PCDHGA3: variants seen among roughly 807,000 people sequenced by gnomAD.
PCDHGA3 encodes the protein protocadherin gamma-A3.
A neutral mutation model predicts 58.5 loss-of-function variants in PCDHGA3; 40 were observed. That is an observed-to-expected ratio of 0.68 (90% CI 0.53 to 0.89). The LOEUF (loss-of-function observed/expected upper bound fraction) is 0.89, where lower values mean the gene tolerates loss of function less well. Ranked by LOEUF, PCDHGA3 falls within the 40% of genes least tolerant of loss-of-function variation. The pLI, the probability that PCDHGA3 is intolerant of heterozygous loss-of-function variation, is 0.00. For missense variants in PCDHGA3, 1,223 were observed against 1,195.9 expected, an observed-to-expected ratio of 1.02 and a Z score of -0.33; for synonymous variants, 530 against 525.7, an observed-to-expected ratio of 1.01 and a Z score of -0.11.
At position 141,491,422 on chromosome 5, in the gene PCDHGA3, G is replaced by T. The variant is rs1413549196; in HGVS notation, c.2425-3385G>T. 1 of 1,614,112 alleles carries T rather than the reference G, an allele frequency of 6.2e-7. No homozygotes were observed. The stretch of plus-strand genomic sequence containing the variant: ...AAACGCAGACGGGGACGGGGGTGGA[G>T]GGCAGTGCTGCAGGCGCCAGGACTC... On this transcript the variant is annotated intron_variant, in intron 1 of 3. Coordinates refer to ENST00000253812, the MANE Select transcript of PCDHGA3 (RefSeq NM_018916.4). The surrounding 1 kb of genome is among the most constrained non-coding windows in gnomAD (Gnocchi z 6.9).
intron 1 of PCDHGA3, chr5:141,350,661 G>A: frequency 1.2e-6 from 2 of 1,613,992 alleles, no homozygotes; most frequent in South Asian, 1.1e-5. Flanking sequence ...GTTGCAAAAG[G>A]CATTGACTTA....
chr5:141,451,233 T>A (rs1431967203), intron 1 of PCDHGA3, among the ~76,000 whole-genome samples: 1 of 152,216 alleles, frequency 6.6e-6, no homozygotes, highest in African/African-American at 2.4e-5. Flanking sequence ...GCATTTATTA[T>A]CTCATAAATT....
At chr5:141,405,326 T>TGC in intron 1 of PCDHGA3, 1 of 1,614,220 alleles carries the variant, frequency 6.2e-7, no homozygotes, top group Non-Finnish European at 8.5e-7. Flanking sequence ...TGAGCCTTTG[T>TGC]GCGTCTCTGT....
chr5:141,374,976 C>A, intron 1 of PCDHGA3: 1 of 1,614,016 alleles, frequency 6.2e-7, no homozygotes, highest in Non-Finnish European at 8.5e-7. Context: ...AATGTTTTGA[C>A]TGGAGAAATT....
chr5:141,384,958 T>C, intron 1 of PCDHGA3: 1 of 1,613,954 alleles, frequency 6.2e-7, no homozygotes, highest in Non-Finnish European at 8.5e-7. Flanking sequence ...TCCTTACAAC[T>C]ATGACCTCAC....
chr5:141,394,136 C>G, intron 1 of PCDHGA3: 1 of 1,613,956 alleles, frequency 6.2e-7, no homozygotes, highest in Non-Finnish European at 8.5e-7. Flanking sequence ...TCGCTCTGCA[C>G]GTGGCAGACA....
chr5:141,371,913 G>C, intron 1 of PCDHGA3: 1 of 1,613,394 alleles, frequency 6.2e-7, no homozygotes, highest in African/African-American at 1.3e-5. Context: ...CTACGTGTCC[G>C]TGAGCGCGCG....
At chr5:141,370,652 G>A in intron 1 of PCDHGA3, 1 of 1,613,890 alleles carries the variant, frequency 6.2e-7, no homozygotes, top group Non-Finnish European at 8.5e-7. Context: ...ACTTACTTGT[G>A]AGCGACCGTA....
chr5:141,376,463 A>C (rs1772718380), intron 1 of PCDHGA3: 1 of 1,614,212 alleles, frequency 6.2e-7, no homozygotes, highest in South Asian at 1.1e-5. Context: ...TCTTCTGATA[A>C]CTCAGGATTT....
At chr5:141,380,349 GT>G (rs1776403876) in intron 1 of PCDHGA3, among the ~76,000 whole-genome samples, 1 of 152,006 alleles carries the variant, frequency 6.6e-6, no homozygotes, top group South Asian at 2.1e-4. Flanking sequence ...CTGTTTTGTT[GT>G]TTGTTTTTTA....
At position 141,431,387 on chromosome 5, in the gene PCDHGA3, C is replaced by T; in HGVS notation, c.2425-63420C>T. The T allele has an allele frequency of 1.9e-6, 3 of 1,613,938 alleles. 1 individual carries two copies. The South Asian group carries it at 3.3e-5, about 18-fold the overall frequency. Reference sequence around the variant, plus strand: ...CCGCGAAGAAAAGGCTGCTCACCACCTGGTCCTTACGGCCTCCGACGGGGG... The same window carrying T: ...CCGCGAAGAAAAGGCTGCTCACCACTTGGTCCTTACGGCCTCCGACGGGGG... On this transcript the variant is annotated intron_variant, in intron 1 of 3. Coordinates refer to ENST00000253812, the MANE Select transcript of PCDHGA3 (RefSeq NM_018916.4). This position sits in a 1 kb window ranked among gnomAD's most constrained non-coding sequence, Gnocchi z 4.8.
At chr5:141,440,275 T>C (rs913705052) in intron 1 of PCDHGA3, 14 of 152,120 alleles carry the variant, frequency 9.2e-5, no homozygotes, top group African/African-American at 3.1e-4. Flanking sequence ...GAGACCAGCC[T>C]GACCAACATA....
intron 1 of PCDHGA3, chr5:141,418,421 G>A (rs776535087): frequency 2.5e-6 from 4 of 1,613,966 alleles, no homozygotes; most frequent in Non-Finnish European, 3.4e-6. Flanking sequence ...CAATCCTGAT[G>A]GTGGCAAATA....
In PCDHGA3 at chr5:141,432,038, C is replaced by T. The variant is rs202246871; in HGVS notation, c.2425-62769C>T. ...CAACATCACAGTGACCGCCACTGAC[C>T]GGGGAACCCCGCCCCTATCCACGGA... On this transcript the variant is annotated intron_variant, in intron 1 of 3. Coordinates refer to ENST00000253812, the MANE Select transcript of PCDHGA3 (RefSeq NM_018916.4). The surrounding 1 kb of genome is among the most constrained non-coding windows in gnomAD (Gnocchi z 6.0). 15 of 1,614,190 alleles carry T rather than the reference C, an allele frequency of 9.3e-6. No individual in the cohort carries two copies. The African/African-American group carries it at 1.5e-4, about 16-fold the overall frequency.
chr5:141,371,367 G>T, intron 1 of PCDHGA3: 1 of 1,613,892 alleles, frequency 6.2e-7, no homozygotes, highest in South Asian at 1.1e-5. Context: ...AAAGGATGGT[G>T]GACATCACAC....
chr5:141,351,886 G>A (rs377208230), intron 1 of PCDHGA3: 35 of 1,613,292 alleles, frequency 2.2e-5, no homozygotes, highest in Admixed American at 3.3e-5. Context: ...GCGCCAACGT[G>A]AGCCTGCGCG....
Position 141,487,665 on chromosome 5 carries a change from G to T in PCDHGA3, c.2425-7142G>T, listed in dbSNP as rs373971935. 8.7e-5 allele frequency: 141 copies of T among 1,612,724 alleles called. No individual in the cohort carries two copies. The highest frequency in any genetic ancestry group is 1.1e-4 in the Non-Finnish European group (135 of 1,179,392). On this transcript the variant is annotated intron_variant, in intron 1 of 3. Coordinates refer to ENST00000253812, the MANE Select transcript of PCDHGA3 (RefSeq NM_018916.4). The surrounding 1 kb of genome is among the most constrained non-coding windows in gnomAD (Gnocchi z 5.0). ...ATGCTTGAGGGTTATTCTGATCCAG[G>T]CATATGGCTAGGCCATGTCCTAGAG...
intron 1 of PCDHGA3, among the ~76,000 whole-genome samples, chr5:141,467,695 T>C (rs1189395935): frequency 6.6e-6 from 1 of 152,142 alleles, no homozygotes; most frequent in Non-Finnish European, 1.5e-5. Flanking sequence ...AGGGTCTGGC[T>C]CTGTTGCCCA....
intron 1 of PCDHGA3, chr5:141,350,526 G>T: frequency 6.2e-7 from 1 of 1,614,020 alleles, no homozygotes; most frequent in Non-Finnish European, 8.5e-7. Context: ...AGGATAGATC[G>T]AGAGAAGATT....
Sources: allele counts gnomAD v4.1 joint callset (sites outside exome capture counted in the v4.1 genomes callset), GRCh38; gene constraint gnomAD v4.1.1; non-coding constraint Gnocchi (gnomAD v3.1); transcripts MANE v1.5; gene names NCBI Gene and HGNC (gene_info 2026-07-23, HGNC 2026-07-21).